The following TBX19 variants were observed in gnomAD, a reference collection of about 807,000 sequenced individuals.
TBX19 encodes T-box transcription factor 19.
Under a neutral mutation model 40.9 loss-of-function variants are expected in TBX19, and 33 were observed. That is an observed-to-expected ratio of 0.81 (90% CI 0.61 to 1.08). The LOEUF (loss-of-function observed/expected upper bound fraction) is 1.08, where lower values mean the gene tolerates loss of function less well. Among genes scored for constraint, TBX19 ranks in the 50% least tolerant of loss-of-function variants. The probability of loss-of-function intolerance (pLI) is 0.00; values close to 1 mark genes in which losing one functional copy is unlikely to be tolerated. For synonymous variants in TBX19, 220 were observed against 225.0 expected (o/e 0.98, Z 0.20); for missense variants, 494 against 574.0 (o/e 0.86, Z 1.42).
At chr1:168,285,457 C>A (rs1045808263) in intron 1 of TBX19, among the ~76,000 whole-genome samples, 2 of 152,228 alleles carry the variant, frequency 1.3e-5, no homozygotes, top group Non-Finnish European at 1.5e-5. Context: ...TTTCTTCTTG[C>A]AAACCTCACT....
chr1:168,305,878 A>G (rs1482721412), intron 6 of TBX19, among the ~76,000 whole-genome samples: 1 of 152,246 alleles, frequency 6.6e-6, no homozygotes, highest in Non-Finnish European at 1.5e-5. Flanking sequence ...CTTTTTCATT[A>G]AATTATTCAT....
chr1:168,287,991 G>A (rs140659599), intron 1 of TBX19, among the ~76,000 whole-genome samples: 113 of 152,018 alleles, frequency 7.4e-4, no homozygotes, highest in African/African-American at 2.3e-3. Context: ...ACCTCCTTGT[G>A]GGTGAAGTAA....
At chr1:168,287,032 A>G (rs1017458250) in intron 1 of TBX19, among the ~76,000 whole-genome samples, 2 of 152,242 alleles carry the variant, frequency 1.3e-5, no homozygotes, top group African/African-American at 4.8e-5. Flanking sequence ...CATCAGGTAC[A>G]GCTCTGACCA....
chr1:168,301,229 A>G (rs1246287084), intron 5 of TBX19, among the ~76,000 whole-genome samples: 1 of 152,112 alleles, frequency 6.6e-6, no homozygotes, highest in Non-Finnish European at 1.5e-5. Flanking sequence ...CAGACCTGGG[A>G]GTATAGCCGC....
chr1:168,288,255 A>G (rs1434209180), intron 1 of TBX19, among the ~76,000 whole-genome samples: 2 of 146,876 alleles, frequency 1.4e-5, no homozygotes, highest in African/African-American at 5.1e-5. Context: ...TGTTAATGCT[A>G]TGTAAATAGT....
rs1649591198 is a variant in TBX19, at chr1:168,314,258, G to A, written c.*1256G>A. The A allele has an allele frequency of 1.3e-5, 2 of 152,824 alleles. No homozygotes were observed. Among genetic ancestry groups the A allele is most frequent in the Non-Finnish European group, 2.9e-5 (2 of 68,208 alleles). 9.5% of individuals were successfully genotyped at this position (152,824 alleles called of 1,614,324 possible). A position where few individuals can be genotyped will look rare whatever the true frequency, so the allele number is the denominator to read the frequency against. ...TCCCGTTGTTTTTGCCTCTGCCATA[G>A]AGCTCACCTCATTTTGCCTTGTATT... On this transcript the variant is annotated 3_prime_UTR_variant, in exon 8 of 8. Coordinates refer to ENST00000367821, the MANE Select transcript of TBX19 (RefSeq NM_005149.3).
intron 4 of TBX19, among the ~76,000 whole-genome samples, chr1:168,298,370 A>C (rs1649169695): frequency 6.6e-6 from 1 of 152,200 alleles, no homozygotes; most frequent in Non-Finnish European, 1.5e-5. Context: ...TCACATTAAA[A>C]AAATTAAATG....
chr1:168,302,805 C>T (rs369620997), intron 5 of TBX19, among the ~76,000 whole-genome samples: 1 of 152,046 alleles, frequency 6.6e-6, no homozygotes, highest in Non-Finnish European at 1.5e-5. Context: ...CATGATATCT[C>T]TTGCTTAGAG....
intron 6 of TBX19, 127 bp from the exon 7 acceptor site, chr1:168,308,615 G>T (rs1649458638): frequency 1.4e-5 from 17 of 1,193,810 alleles, no homozygotes; most frequent in Non-Finnish European, 2.0e-5. Flanking sequence ...CCCTGAGAAA[G>T]AACTAACAAA....
At chr1:168,284,815 T>C (rs1336361817) in intron 1 of TBX19, among the ~76,000 whole-genome samples, 8 of 151,962 alleles carry the variant, frequency 5.3e-5, no homozygotes, top group East Asian at 1.9e-4. Context: ...GCTTTTGTTT[T>C]CTTTACTTGT....
rs543444116 is a variant in TBX19, at chr1:168,313,086, G to C, written c.*84G>C. On this transcript the variant is annotated 3_prime_UTR_variant, in exon 8 of 8. Coordinates refer to ENST00000367821, the MANE Select transcript of TBX19 (RefSeq NM_005149.3). ...CCCCATCAACTGATCTAGTGAGTCA[G>C]ACTGTGGAATCTCCCTTCCCACTAG... 3.6e-5 allele frequency: 55 copies of C among 1,539,876 alleles called. No homozygotes were observed. In the Admixed American group the frequency reaches 4.1e-4, roughly 11 times the overall value.
intron 3 of TBX19, among the ~76,000 whole-genome samples, chr1:168,293,971 A>G (rs886531067): frequency 1.3e-5 from 2 of 152,244 alleles, no homozygotes; most frequent in Non-Finnish European, 2.9e-5. Context: ...GTACAGAAGT[A>G]TATAAAGTAA....
At chr1:168,295,120 G>A (rs1223318318) in intron 3 of TBX19, among the ~76,000 whole-genome samples, 5 of 151,992 alleles carry the variant, frequency 3.3e-5, no homozygotes, top group Admixed American at 6.6e-5. Context: ...GTGAAACCCC[G>A]TCTCCACTAA....
intron 1 of TBX19, among the ~76,000 whole-genome samples, chr1:168,283,578 C>T (rs906109521): frequency 6.6e-6 from 1 of 151,814 alleles, no homozygotes; most frequent in Non-Finnish European, 1.5e-5. Context: ...TTCCTTCTCT[C>T]TTTTCTCCCT....
At chr1:168,304,567 A>G (rs893739411) in intron 5 of TBX19, among the ~76,000 whole-genome samples, 1 of 152,246 alleles carries the variant, frequency 6.6e-6, no homozygotes, top group African/African-American at 2.4e-5. Flanking sequence ...ACATCTTAGC[A>G]GAATTCAGGC....
intron 5 of TBX19, among the ~76,000 whole-genome samples, chr1:168,304,239 G>A (rs977533303): frequency 3.3e-5 from 5 of 152,230 alleles, no homozygotes; most frequent in Non-Finnish European, 7.3e-5. Context: ...TGTAGGTTAG[G>A]TTACCTTTTT....
At chr1:168,296,389 G>A (rs1649104424) in intron 3 of TBX19, among the ~76,000 whole-genome samples, 1 of 152,120 alleles carries the variant, frequency 6.6e-6, no homozygotes, top group African/African-American at 2.4e-5. Flanking sequence ...TGGACTCACA[G>A]TTCCACATGG....
At chr1:168,281,373 C>T (rs374239104) in intron 1 of TBX19, 80 bp downstream of exon 1, 237 of 1,328,662 alleles carry the variant, frequency 1.8e-4, no homozygotes, top group East Asian at 8.8e-4. Flanking sequence ...AAGAGGCTGC[C>T]GCTCTTCACT....
chr1:168,306,336 A>G lies in TBX19; in HGVS notation c.916+1140A>G, dbSNP rs116165319. 4.4e-3 allele frequency among the ~76,000 whole-genome samples: 667 copies of G among 152,276 alleles called. 3 individuals are homozygous for G. Among genetic ancestry groups the G allele is most frequent in the African/African-American group, 5.6e-3 (233 of 41,564 alleles). ...AGTGGGATAGGAAAGTGATTAAGAC[A>G]TAGTTTCAGGGCCGGGAGCGGTGGT... On this transcript the variant is annotated intron_variant, in intron 6 of 7. Coordinates refer to ENST00000367821, the MANE Select transcript of TBX19 (RefSeq NM_005149.3).
Sources: allele counts gnomAD v4.1 joint callset (sites outside exome capture counted in the v4.1 genomes callset), GRCh38; gene constraint gnomAD v4.1.1; transcripts MANE v1.5; gene names NCBI Gene and HGNC (gene_info 2026-07-23, HGNC 2026-07-21).